The following NUF2 variants were observed in gnomAD, a reference collection of about 807,000 sequenced individuals.
NUF2 encodes kinetochore protein Nuf2.
NUF2 carries 34 observed loss-of-function variants against 61.8 expected under a neutral mutation model. The observed-to-expected ratio is 0.55, with a 90% CI of 0.42 to 0.73. NUF2 has a LOEUF of 0.73. Among genes scored for constraint, NUF2 ranks in the 30% least tolerant of loss-of-function variants. The pLI, the probability that NUF2 is intolerant of heterozygous loss-of-function variation, is 0.00. For missense variants in NUF2, 445 were observed against 539.1 expected (o/e 0.83, Z 1.73); for synonymous variants, 172 against 181.6 (o/e 0.95, Z 0.42).
intron 1 of NUF2, among the ~76,000 whole-genome samples, chr1:163,324,898 TTC>T (rs1553230280): frequency 1.1e-5 from 1 of 89,030 alleles, no homozygotes; most frequent in African/African-American, 3.2e-5. Flanking sequence ...TTTCTTTTCT[TTC>T]TTTTTTTTTT....
chr1:163,328,939 T>C (rs1227874371), intron 5 of NUF2, 32 bp downstream of exon 5: 11 of 1,257,524 alleles, frequency 8.7e-6, no homozygotes, highest in Non-Finnish European at 1.1e-5. Context: ...TTTTAATGTC[T>C]GGCTTCGATC....
Position 163,345,961 on chromosome 1 carries a change from T to C in NUF2, c.948+143T>C, listed in dbSNP as rs142091985. The C allele has an allele frequency of 7.6e-5, 40 of 526,668 alleles. No homozygotes were observed. The Admixed American group carries it at 1.4e-3, about 18-fold the overall frequency. 32.6% of individuals were successfully genotyped at this position (526,668 alleles called of 1,614,324 possible). Reference sequence around the variant, plus strand: ...ATAATAGATGTGGCAATGTATGCTATGAAAAAGACACTTTTCTTTTTAAAC... The same window carrying C: ...ATAATAGATGTGGCAATGTATGCTACGAAAAAGACACTTTTCTTTTTAAAC... On this transcript the variant is annotated intron_variant, in intron 11 of 13. Coordinates refer to ENST00000271452, the MANE Select transcript of NUF2 (RefSeq NM_145697.3).
rs138886630 is a variant in NUF2 at position 163,349,840 on chromosome 1, A to G, written c.1260+760A>G. On this transcript the variant is annotated intron_variant, in intron 13 of 13. Coordinates refer to ENST00000271452, the MANE Select transcript of NUF2 (RefSeq NM_145697.3). ...AAAGGAAGAGGGAAACTGGAAGGAA[A>G]AGAAATAAAATGGTTGGGATTTCAC... 6.6e-5 allele frequency among the ~76,000 whole-genome samples: 10 copies of G among 152,282 alleles called. No homozygotes were observed. In the East Asian group the frequency reaches 1.5e-3, roughly 24 times the overall value.
intron 1 of NUF2, among the ~76,000 whole-genome samples, chr1:163,324,197 G>A (rs967451066): frequency 3.3e-4 from 50 of 152,148 alleles, no homozygotes; most frequent in Non-Finnish European, 3.4e-4. Flanking sequence ...GCTTAGCAGA[G>A]GTGTAATAGC....
chr1:163,349,157 T>A, intron 13 of NUF2, 77 bp downstream of exon 13: 1 of 1,268,128 alleles, frequency 7.9e-7, no homozygotes, highest in Non-Finnish European at 1.1e-6. Flanking sequence ...CAAAACAGCT[T>A]ACTTGGTCTC....
chr1:163,322,410 G>T (rs1006439894), intron 1 of NUF2, among the ~76,000 whole-genome samples, 198 bp downstream of exon 1: 7 of 152,222 alleles, frequency 4.6e-5, no homozygotes, highest in Non-Finnish European at 8.8e-5. Flanking sequence ...TTATTTGGCT[G>T]CAGATGCTTG....
At chr1:163,335,650 G>C (rs1650734794) in intron 5 of NUF2, among the ~76,000 whole-genome samples, 1 of 151,884 alleles carries the variant, frequency 6.6e-6, no homozygotes, top group East Asian at 1.9e-4. Context: ...TCTTGGATAT[G>C]GTTATTGTTT....
chr1:163,340,329 G>A (rs1235631153), intron 8 of NUF2, 35 bp from the exon 9 acceptor site: 3 of 1,519,180 alleles, frequency 2.0e-6, no homozygotes, highest in Non-Finnish European at 2.7e-6. Flanking sequence ...TAAATGTTTT[G>A]AATCATTATA....
chr1:163,338,878 A>G (rs1650847383), intron 7 of NUF2, among the ~76,000 whole-genome samples: 1 of 152,132 alleles, frequency 6.6e-6, no homozygotes, highest in Non-Finnish European at 1.5e-5. Flanking sequence ...TGATAACTTT[A>G]AAAAAATAGA....
chr1:163,326,982 G>A (rs915419126), intron 2 of NUF2, among the ~76,000 whole-genome samples: 1 of 152,026 alleles, frequency 6.6e-6, no homozygotes. Context: ...TAGAAGATCC[G>A]GTTTTTAAAA....
chr1:163,325,809 C>T (rs1025520042), intron 1 of NUF2, among the ~76,000 whole-genome samples: 3 of 151,986 alleles, frequency 2.0e-5, no homozygotes, highest in Non-Finnish European at 2.9e-5. Flanking sequence ...CAAAAGAGAA[C>T]GACACTAGAA....
chr1:163,327,098 T>TCTTTAAAACACACACACA (rs1553230626), intron 2 of NUF2, among the ~76,000 whole-genome samples: 50 of 33,370 alleles, frequency 1.5e-3, no homozygotes, highest in African/African-American at 2.7e-3. Context: ...TTTCCTGTGT[T>TCTTTAAAACACACACACA]CACACACACA....
At chr1:163,330,468 A>T (rs1650557803) in intron 5 of NUF2, among the ~76,000 whole-genome samples, 3 of 152,266 alleles carry the variant, frequency 2.0e-5, no homozygotes, top group South Asian at 4.1e-4. Context: ...TTGATTATTT[A>T]GCTTTACAGT....
chr1:163,339,159 C>A, intron 7 of NUF2: 1 of 489,680 alleles, frequency 2.0e-6, no homozygotes, highest in East Asian at 3.5e-5. Context: ...GTGGATGGAT[C>A]CATAGATTTG....
intron 2 of NUF2, 30 bp from the exon 3 acceptor site, chr1:163,327,458 C>G: frequency 8.4e-7 from 1 of 1,193,742 alleles, no homozygotes; most frequent in East Asian, 2.3e-5. Context: ...AGTTATGCAT[C>G]GGAGTATTCA....
intron 5 of NUF2, among the ~76,000 whole-genome samples, chr1:163,332,002 A>G (rs1004784515): frequency 4.7e-5 from 7 of 150,434 alleles, no homozygotes; most frequent in African/African-American, 7.3e-5. Context: ...TTCTTTCTTC[A>G]TGGTTATTTT....
chr1:163,355,352 G>A lies in NUF2; in HGVS notation c.1278G>A (p.Leu426=). The A allele has an allele frequency of 6.3e-7, 1 of 1,599,158 alleles. No individual in the cohort carries two copies. The highest frequency in any genetic ancestry group is 1.7e-5 in the Admixed American group (1 of 57,970). ...CTACTTAGGAAATATTTCTAAACTTGAAAACTGCTTTGGAGAAATACCACG... is the reference window on the plus strand; with the variant it reads ...CTACTTAGGAAATATTTCTAAACTTAAAAACTGCTTTGGAGAAATACCACG... ...KLKSQEIFLN[L]KTALEKYHDG... Residue 426 remains leucine (L), a synonymous_variant, in exon 14 of 14, where the codon TTG becomes TTA. Transcript: ENST00000271452.
At position 163,326,086 on chromosome 1, in the gene NUF2, CT is replaced by C. The variant is rs761623549; in HGVS notation, c.36del (p.Glu13ArgfsTer3). 1.9e-6 allele frequency: 3 copies of C among 1,612,232 alleles called. No individual in the cohort carries two copies. The highest frequency in any genetic ancestry group is 1.7e-6 in the Non-Finnish European group (2 of 1,178,770). ...ETLSFPRYNV[A>X]EIVIHIRNKI... ...TTGTCTTTCCCCAGATATAATGTAG[CT>C]GAGATTGTGATTCATATTCGCAATA... On this transcript the variant is annotated frameshift_variant, in exon 2 of 14. Transcript: ENST00000271452. LOFTEE classifies it high-confidence loss of function.
chr1:163,349,382 A>G (rs113652354), intron 13 of NUF2, among the ~76,000 whole-genome samples: 2,377 of 152,242 alleles, frequency 0.016, 71 homozygotes, highest in African/African-American at 0.052. Flanking sequence ...AACAAGTAGT[A>G]TATTCCTAAT....
Sources: allele counts gnomAD v4.1 joint callset (sites outside exome capture counted in the v4.1 genomes callset), GRCh38; gene constraint gnomAD v4.1.1; transcripts MANE v1.5; gene names NCBI Gene and HGNC (gene_info 2026-07-23, HGNC 2026-07-21).